The following MAL2 variants were observed in gnomAD, a reference collection of about 807,000 sequenced individuals.
The protein encoded by MAL2 is protein MAL2.
MAL2 carries 17 observed loss-of-function variants against 18.1 expected under a neutral mutation model. The ratio of observed to expected loss-of-function variants is 0.94; its 90% CI spans 0.64 to 1.41. The LOEUF (loss-of-function observed/expected upper bound fraction) is 1.41. Among genes scored for constraint, MAL2 ranks in the 40% most tolerant of loss-of-function variants. The pLI, the probability that MAL2 is intolerant of heterozygous loss-of-function variation, is 0.00. For synonymous variants in MAL2, 102 were observed against 102.3 expected (o/e 1.00, Z 0.02); for missense variants, 222 against 231.9 (o/e 0.96, Z 0.28).
chr8:119,235,695 G>A (rs1263812153), intron 2 of MAL2, among the ~76,000 whole-genome samples: 1 of 151,182 alleles, frequency 6.6e-6, no homozygotes, highest in Non-Finnish European at 1.5e-5. Context: ...GCCAAACTAA[G>A]CTTCCTAAGT....
At chr8:119,234,298 G>A (rs1237704059) in intron 2 of MAL2, among the ~76,000 whole-genome samples, 1 of 152,182 alleles carries the variant, frequency 6.6e-6, no homozygotes, top group Non-Finnish European at 1.5e-5. Flanking sequence ...CACCTGGCTG[G>A]GAGGGTCCTA....
At chr8:119,220,979 GTATT>G (rs1817453451) in intron 1 of MAL2, 1 of 152,178 alleles carries the variant, frequency 6.6e-6, no homozygotes, top group African/African-American at 2.4e-5. Context: ...AATGTAGTAG[GTATT>G]TATTGATACT....
chr8:119,217,990 GA>G (rs111912760), intron 1 of MAL2, among the ~76,000 whole-genome samples: 4 of 152,252 alleles, frequency 2.6e-5, no homozygotes, highest in African/African-American at 9.6e-5. Context: ...AGCTCAAGAA[GA>G]AAAGTAGCTT....
rs202018804 is a variant in MAL2, at chr8:119,220,705, A to AC, written c.133-876dup. On this transcript the variant is annotated intron_variant, in intron 1 of 3. Transcript: ENST00000614891. The stretch of plus-strand genomic sequence containing the variant: ...GGCTACTCTCAGCTCCTGCCATGGA[A>AC]CCCCCCTTTCCTCCCTCTGCTTTAC... Among the ~76,000 whole-genome samples, 61 of 149,394 alleles carry AC rather than the reference A, an allele frequency of 4.1e-4. No homozygotes were observed. In the East Asian group the frequency reaches 7.2e-3, roughly 18 times the overall value.
chr8:119,217,854 C>CT (rs1474246021), intron 1 of MAL2, among the ~76,000 whole-genome samples: 1 of 152,118 alleles, frequency 6.6e-6, no homozygotes, highest in African/African-American at 2.4e-5. Flanking sequence ...TGCAAACACT[C>CT]TAAGCTCACT....
intron 3 of MAL2, 41 bp downstream of exon 3, chr8:119,240,361 C>T: frequency 6.3e-7 from 1 of 1,597,086 alleles, no homozygotes; most frequent in Non-Finnish European, 8.6e-7. Context: ...ACCAGCACTT[C>T]CGCTCCACTG....
chr8:119,234,020 A>G (rs371585538), intron 2 of MAL2, among the ~76,000 whole-genome samples: 2,194 of 152,074 alleles, frequency 0.014, 55 homozygotes, highest in African/African-American at 0.051. Flanking sequence ...CAGAAGACGG[A>G]TGATTTCTGC....
At chr8:119,226,261 T>TA (rs796220111) in intron 2 of MAL2, among the ~76,000 whole-genome samples, 11 of 152,272 alleles carry the variant, frequency 7.2e-5, no homozygotes, top group African/African-American at 2.6e-4. Context: ...CTAGGGTTTT[T>TA]ATGGTTTTAG....
intron 1 of MAL2, among the ~76,000 whole-genome samples, chr8:119,212,407 T>C (rs1257796596): frequency 6.6e-6 from 1 of 152,160 alleles, no homozygotes; most frequent in African/African-American, 2.4e-5. Flanking sequence ...AACTGCAGTG[T>C]TTTGGATGCC....
At chr8:119,221,093 C>T (rs1817455973) in intron 1 of MAL2, 3 of 155,322 alleles carry the variant, frequency 1.9e-5, no homozygotes. Flanking sequence ...ACAACAGCTG[C>T]AACTATTATT....
In MAL2 at chr8:119,244,793, A is replaced by G. The variant is rs1311061925; in HGVS notation, c.*1305A>G. The stretch of plus-strand genomic sequence containing the variant: ...ACTATTTCTGGCTGAATAGCACAGA[A>G]AAGTATTTTAACCTACCTGTAGAGA... On this transcript the variant is annotated 3_prime_UTR_variant, in exon 4 of 4. Transcript: ENST00000614891. The G allele has an allele frequency of 6.6e-6, 1 of 152,556 alleles. No individual in the cohort carries two copies. The highest frequency in any genetic ancestry group is 2.4e-5 in the African/African-American group (1 of 41,456). The allele number at this position is 152,556 out of a possible 1,614,324, so 9.5% of individuals were successfully genotyped here.
intron 2 of MAL2, among the ~76,000 whole-genome samples, chr8:119,237,170 A>G (rs552427055): frequency 6.6e-6 from 1 of 151,938 alleles, no homozygotes; most frequent in East Asian, 1.9e-4. Flanking sequence ...CTCTACACAA[A>G]TAAACTAGAA....
Position 119,208,398 on chromosome 8 carries a change from G to A in MAL2, c.-75G>A. 1.2e-6 allele frequency: 1 copy of A among 862,744 alleles called. No individual in the cohort carries two copies. Among genetic ancestry groups the A allele is most frequent in the Non-Finnish European group, 1.4e-6 (1 of 708,922 alleles). 53.4% of individuals were successfully genotyped at this position (862,744 alleles called of 1,614,324 possible). On this transcript the variant is annotated 5_prime_UTR_variant, in exon 1 of 4. Coordinates refer to ENST00000614891, the MANE Select transcript of MAL2 (RefSeq NM_052886.3). The surrounding 1 kb of genome is among the most constrained non-coding windows in gnomAD (Gnocchi z 4.3). ...CCCGCGGAGCTGAGCGGCGGCGGCG[G>A]CGGCGGCAGGAGCCCGGGAGGCGGA... is the stretch of plus-strand genomic sequence containing the variant.
rs1818087882 is a variant in MAL2, at chr8:119,243,398, TTTGTTTC to T, written c.460-16_460-10del. The T allele has an allele frequency of 3.2e-6, 5 of 1,563,738 alleles. No individual in the cohort carries two copies. Among genetic ancestry groups the T allele is most frequent in the Admixed American group, 1.9e-5 (1 of 52,782 alleles). On this transcript the variant is annotated splice_polypyrimidine_tract_variant and intron_variant, in intron 3 of 3. Coordinates refer to ENST00000614891, the MANE Select transcript of MAL2 (RefSeq NM_052886.3). Reference sequence around the variant, plus strand: ...CGGTGTTGTAAATCTGATGTGAATTTTTGTTTCTTTTTTCTTAGATTTTTGCCTTTAT... The same window carrying T: ...CGGTGTTGTAAATCTGATGTGAATTTTTTTTTCTTAGATTTTTGCCTTTAT...
chr8:119,243,495 T>G lies in MAL2; in HGVS notation c.*7T>G. 1 of 1,586,166 alleles carries G rather than the reference T, an allele frequency of 6.3e-7. No homozygotes were observed. The highest frequency in any genetic ancestry group is 8.6e-7 in the Non-Finnish European group (1 of 1,164,734). On this transcript the variant is annotated 3_prime_UTR_variant, in exon 4 of 4. Transcript: ENST00000614891. ...ACGAAGATGGCGACCGTAACACTCC[T>G]TAGAAACTGGCAGTCGTATGTTAGT...
chr8:119,236,510 CA>C (rs1300572371), intron 2 of MAL2, among the ~76,000 whole-genome samples: 1 of 151,100 alleles, frequency 6.6e-6, no homozygotes, highest in African/African-American at 2.4e-5. Flanking sequence ...AGCACCACAC[CA>C]CACCTATTCC....
intron 1 of MAL2, among the ~76,000 whole-genome samples, chr8:119,220,011 AT>A (rs1017347097): frequency 2.6e-5 from 4 of 152,002 alleles, no homozygotes; most frequent in Non-Finnish European, 5.9e-5. Flanking sequence ...GGAACTGTGG[AT>A]TTTTTTTCTC....
In MAL2 at chr8:119,208,589, C is replaced by A; in HGVS notation, c.117C>A (p.Phe39Leu). The A allele has an allele frequency of 7.2e-7, 1 of 1,380,660 alleles. No homozygotes were observed. Among genetic ancestry groups the A allele is most frequent in the Non-Finnish European group, 9.4e-7 (1 of 1,063,476 alleles). 85.5% of individuals were successfully genotyped at this position (1,380,660 alleles called of 1,614,324 possible). Residue 39 changes from phenylalanine (F) to leucine (L), a missense_variant, in exon 1 of 4, where the codon TTC (phenylalanine) becomes TTA (leucine). Phe to Leu is a conservative substitution (Grantham distance 22, BLOSUM62 0). Transcript: ENST00000614891. The surrounding 1 kb of genome is among the most constrained non-coding windows in gnomAD (Gnocchi z 4.3). ...PDILRTYSGAFVCLEILFGGL... is the reference protein window; with the variant it reads ...PDILRTYSGALVCLEILFGGL... Reference sequence around the variant, plus strand: ...TCCTGCGGACCTACTCGGGCGCCTTCGTCTGCCTGGAGATTGTAAGTGGGG... The same window carrying A: ...TCCTGCGGACCTACTCGGGCGCCTTAGTCTGCCTGGAGATTGTAAGTGGGG...
intron 2 of MAL2, among the ~76,000 whole-genome samples, chr8:119,230,701 A>AATGAGTGCCTAATGATCTCAGACAAAT (rs1277905849): frequency 1.3e-5 from 2 of 152,152 alleles, no homozygotes; most frequent in Non-Finnish European, 2.9e-5. Flanking sequence ...CAGTAAGTTA[A>AATGAGTGCCTAATGATCTCAGACAAAT]ATGAGTGCCT....
Sources: gnomAD v4.1 joint callset for allele counts (sites outside exome capture counted in the v4.1 genomes callset) on GRCh38, gnomAD v4.1.1 for gene constraint, Gnocchi (gnomAD v3.1) non-coding constraint, MANE v1.5 for transcripts, NCBI Gene and HGNC (gene_info 2026-07-23, HGNC 2026-07-21) for gene names.